NDUFB2: variants seen among roughly 807,000 people sequenced by gnomAD.
NDUFB2 encodes the protein NADH dehydrogenase [ubiquinone] 1 beta subcomplex subunit 2, mitochondrial.
NDUFB2 carries 13 observed loss-of-function variants against 13.4 expected under a neutral mutation model. That is an observed-to-expected ratio of 0.97 (90% confidence interval 0.63 to 1.54). The LOEUF (loss-of-function observed/expected upper bound fraction) is 1.54, where lower values mean the gene tolerates loss of function less well. Ranked by LOEUF, NDUFB2 falls within the 40% of genes most tolerant of loss-of-function variation. NDUFB2 has a pLI of 0.00. For synonymous variants in NDUFB2, 47 were observed against 50.6 expected (o/e 0.93, Z 0.30); for missense variants, 150 against 139.7 (o/e 1.07, Z -0.37).
intron 2 of NDUFB2, among the ~76,000 whole-genome samples, chr7:140,703,819 G>A (rs1232732407): frequency 1.3e-5 from 2 of 152,012 alleles, no homozygotes; most frequent in Admixed American, 1.3e-4. Context: ...GCAGTGGTGC[G>A]ATCTTGGCTC....
intron 1 of NDUFB2, chr7:140,698,255 C>G (rs753726417): frequency 2.2e-6 from 3 of 1,351,464 alleles, no homozygotes; most frequent in Non-Finnish European, 2.0e-6. Context: ...GGGGGAATGC[C>G]GATCTTCCCT....
chr7:140,697,603 G>C (rs1444769583), intron 1 of NDUFB2, among the ~76,000 whole-genome samples: 1 of 152,200 alleles, frequency 6.6e-6, no homozygotes, highest in Admixed American at 6.5e-5. Flanking sequence ...CTGGAAAAGA[G>C]TCATGGATGA....
chr7:140,701,820 C>CGA, intron 1 of NDUFB2: 1 of 419,752 alleles, frequency 2.4e-6, no homozygotes, highest in Non-Finnish European at 4.3e-6. Flanking sequence ...CCTGTAGTCC[C>CGA]AGCTACTTGG....
intron 1 of NDUFB2, chr7:140,700,135 T>G (rs1342438244): frequency 2.0e-5 from 3 of 149,122 alleles, no homozygotes; most frequent in African/African-American, 7.8e-5. Flanking sequence ...TCTTTTTTGT[T>G]TTTTTGATAC....
chr7:140,697,691 G>T (rs1387297663), intron 1 of NDUFB2, among the ~76,000 whole-genome samples: 1 of 152,160 alleles, frequency 6.6e-6, no homozygotes, highest in Admixed American at 6.5e-5. Flanking sequence ...GATTCTGGCC[G>T]CACAGTGGCT....
intron 3 of NDUFB2, chr7:140,706,164 C>A (rs886299157): frequency 4.6e-5 from 7 of 151,974 alleles, no homozygotes; most frequent in African/African-American, 1.7e-4. Context: ...GATCATGGCT[C>A]ACTGTAACCC....
chr7:140,701,923 G>A, intron 1 of NDUFB2: 1 of 599,486 alleles, frequency 1.7e-6, no homozygotes, highest in Non-Finnish European at 3.0e-6. Flanking sequence ...GTGACAGAGT[G>A]AGACTCTCGC....
Position 140,696,849 on chromosome 7 carries a change from G to T in NDUFB2, c.98+7G>T. 6.3e-7 allele frequency: 1 copy of T among 1,598,512 alleles called. No individual in the cohort carries two copies. The highest frequency in any genetic ancestry group is 8.5e-7 in the Non-Finnish European group (1 of 1,172,982). ...GAGATGGTGGAGTCCGTCAGTGAGT[G>T]TGGGGCTGGGGATGGGGGCCTCGCC... On this transcript the variant is annotated splice_region_variant and intron_variant, in intron 1 of 3. Transcript: ENST00000247866.
At chr7:140,700,975 C>T (rs1042776975) in intron 1 of NDUFB2, 4 of 152,096 alleles carry the variant, frequency 2.6e-5, no homozygotes, top group Non-Finnish European at 1.5e-5. Context: ...ACCTTTTAAA[C>T]ATGATACTTA....
At position 140,706,031 on chromosome 7, in the gene NDUFB2, T is replaced by TTGTTATGTTATGTTA. The variant is rs202028313; in HGVS notation, c.*30-517_*30-503dup. ...TTATTTTATTTTATTTTATTTTAGT[T>TTGTTATGTTATGTTA]TGTTATGTTATGTTATGTTATGTTA... On this transcript the variant is annotated intron_variant, in intron 3 of 3. Coordinates refer to ENST00000247866, the MANE Select transcript of NDUFB2 (RefSeq NM_004546.3). The TTGTTATGTTATGTTA allele has an allele frequency of 4.1e-3, 577 of 142,156 alleles. 5 individuals are homozygous for TTGTTATGTTATGTTA. Among genetic ancestry groups the TTGTTATGTTATGTTA allele is most frequent in the African/African-American group, 0.016 (548 of 34,402 alleles). The allele number at this position is 142,156 out of a possible 1,614,324, so 8.8% of individuals were successfully genotyped here.
Position 140,703,348 on chromosome 7 carries a change from C to T in NDUFB2, c.243+338C>T, listed in dbSNP as rs575549765. Among the ~76,000 whole-genome samples the T allele has an allele frequency of 2.1e-3, 314 of 149,714 alleles. 2 individuals are homozygous for T. In the Middle Eastern group the frequency reaches 0.045, roughly 22 times the overall value. ...GGAGTGCAGTGGCACAATCTCGGCT[C>T]GCTGCAACCTCTGCATCCCGGGTTC... On this transcript the variant is annotated intron_variant, in intron 2 of 3. Transcript: ENST00000247866.
chr7:140,697,280 A>G, intron 1 of NDUFB2: 1 of 702,306 alleles, frequency 1.4e-6, no homozygotes, highest in East Asian at 2.7e-5. Flanking sequence ...AATTTAGGGT[A>G]GAGTCTGTTC....
At chr7:140,699,478 G>A (rs1794866930) in intron 1 of NDUFB2, among the ~76,000 whole-genome samples, 1 of 152,118 alleles carries the variant, frequency 6.6e-6, no homozygotes, top group Non-Finnish European at 1.5e-5. Flanking sequence ...TGTGAATTTG[G>A]GTGCAAATCT....
chr7:140,701,324 T>G (rs1302189803), intron 1 of NDUFB2, among the ~76,000 whole-genome samples: 3 of 152,192 alleles, frequency 2.0e-5, no homozygotes, highest in Non-Finnish European at 4.4e-5. Context: ...TTAAATGAAT[T>G]AAAACTTATA....
intron 1 of NDUFB2, chr7:140,701,949 G>C (rs977024792): frequency 3.9e-5 from 25 of 646,290 alleles, no homozygotes; most frequent in Non-Finnish European, 4.8e-5. Context: ...AACAAACAAA[G>C]AAAACAAACA....
At chr7:140,697,503 G>T (rs1447218340) in intron 1 of NDUFB2, 1 of 682,132 alleles carries the variant, frequency 1.5e-6, no homozygotes, top group African/African-American at 1.8e-5. Context: ...AGGGCGGAGG[G>T]CTGGGGGTGC....
At chr7:140,697,526 G>T in intron 1 of NDUFB2, 1 of 527,450 alleles carries the variant, frequency 1.9e-6, no homozygotes, top group South Asian at 1.9e-5. Flanking sequence ...GGTAGGGAGC[G>T]GGTGCGAGGT....
At chr7:140,701,828 T>G in intron 1 of NDUFB2, 1 of 417,484 alleles carries the variant, frequency 2.4e-6, no homozygotes, top group South Asian at 3.9e-5. Flanking sequence ...CCCAGCTACT[T>G]GGGAGGCTGA....
intron 1 of NDUFB2, chr7:140,700,945 A>G (rs1406788209): frequency 6.6e-6 from 1 of 152,206 alleles, no homozygotes; most frequent in Non-Finnish European, 1.5e-5. Flanking sequence ...TCAAGTTGTA[A>G]AGTGGCGATA....
Sources: allele counts gnomAD v4.1 joint callset (sites outside exome capture counted in the v4.1 genomes callset), GRCh38; gene constraint gnomAD v4.1.1; transcripts MANE v1.5; gene names NCBI Gene and HGNC (gene_info 2026-07-23, HGNC 2026-07-21).